Variants in PARD6G observed in about 807,000 individuals in gnomAD.
The protein encoded by PARD6G is partitioning defective 6 homolog gamma.
PARD6G carries 7 observed loss-of-function variants against 10.7 expected under a neutral mutation model. The ratio of observed to expected loss-of-function variants is 0.66; its 90% CI spans 0.37 to 1.23. The LOEUF (loss-of-function observed/expected upper bound fraction) is 1.23, where lower values mean the gene tolerates loss of function less well. Ranked by LOEUF, PARD6G falls within the 50% of genes most tolerant of loss-of-function variation. The probability of loss-of-function intolerance (pLI) is 0.02; values close to 1 mark genes in which losing one functional copy is unlikely to be tolerated. For synonymous variants in PARD6G, 287 were observed against 269.4 expected (o/e 1.07, Z -0.64); for missense variants, 548 against 571.8 (o/e 0.96, Z 0.42).
intron 1 of PARD6G, among the ~76,000 whole-genome samples, chr18:80,218,126 G>GC (rs1380516568): frequency 6.6e-6 from 1 of 151,896 alleles, no homozygotes; most frequent in Non-Finnish European, 1.5e-5. Flanking sequence ...TTCCACCCTG[G>GC]CCCCTCCAAA....
At chr18:80,186,572 T>C (rs906486764) in intron 2 of PARD6G, among the ~76,000 whole-genome samples, 2 of 151,552 alleles carry the variant, frequency 1.3e-5, no homozygotes, top group African/African-American at 4.8e-5. Flanking sequence ...ACACAGCCCT[T>C]GCACACCCCC....
intron 1 of PARD6G, among the ~76,000 whole-genome samples, chr18:80,218,091 G>GT (rs1382279929): frequency 2.0e-5 from 3 of 152,038 alleles, no homozygotes. Context: ...TGAGATTTGG[G>GT]TGGGGACACA....
chr18:80,167,261 G>A (rs1034379432), intron 2 of PARD6G, among the ~76,000 whole-genome samples: 2 of 151,942 alleles, frequency 1.3e-5, no homozygotes, highest in African/African-American at 2.4e-5. Context: ...GCAGTGTTGC[G>A]TGTGGACGTG....
rs1217519591 is a variant in PARD6G at position 80,195,580 on chromosome 18, T to TACA, written c.295+7129_295+7130insTGT. ...ATATATATATATATATATACACACA[T>TACA]TTTTTTTTCTTTTTTTTTCTGACCA... is the stretch of plus-strand genomic sequence containing the variant. On this transcript the variant is annotated intron_variant, in intron 2 of 2. Coordinates refer to ENST00000353265, the MANE Select transcript of PARD6G (RefSeq NM_032510.4). Among the ~76,000 whole-genome samples, 14 of 134,338 alleles carry TACA rather than the reference T, an allele frequency of 1.0e-4. 1 individual carries two copies. Among genetic ancestry groups the TACA allele is most frequent in the African/African-American group, 4.0e-4 (14 of 35,246 alleles). 88.1% of individuals were successfully genotyped at this position (134,338 alleles called of 152,430 possible).
At chr18:80,177,021 G>A (rs1240371664) in intron 2 of PARD6G, among the ~76,000 whole-genome samples, 5 of 101,928 alleles carry the variant, frequency 4.9e-5, no homozygotes, top group Non-Finnish European at 4.2e-5. Context: ...GTGCGCGCGC[G>A]CGTGCACACA....
At position 80,188,839 on chromosome 18, in the gene PARD6G, C is replaced by G. The variant is rs1461210060; in HGVS notation, c.295+13871G>C. Among the ~76,000 whole-genome samples, 1 of 152,186 alleles carries G rather than the reference C, an allele frequency of 6.6e-6. No individual in the cohort carries two copies. Among genetic ancestry groups the G allele is most frequent in the East Asian group, 1.9e-4 (1 of 5,186 alleles). Reference sequence around the variant, plus strand: ...CCACGAGATGGGCTTGCGGGGAAGTCAGGCGGGTGCAATCCCTACCGTTTC... The same window carrying G: ...CCACGAGATGGGCTTGCGGGGAAGTGAGGCGGGTGCAATCCCTACCGTTTC... On this transcript the variant is annotated intron_variant, in intron 2 of 2. Coordinates refer to ENST00000353265, the MANE Select transcript of PARD6G (RefSeq NM_032510.4). This position sits in a 1 kb window ranked among gnomAD's most constrained non-coding sequence, Gnocchi z 5.4.
chr18:80,176,784 C>G (rs948709445), intron 2 of PARD6G, among the ~76,000 whole-genome samples: 2 of 152,150 alleles, frequency 1.3e-5, no homozygotes, highest in African/African-American at 4.8e-5. Context: ...CCTGGTGCCG[C>G]GGCGGCCACA....
rs1158849837 is a variant in PARD6G, at chr18:80,182,226, C to T, written c.295+20484G>A. Among the ~76,000 whole-genome samples the T allele has an allele frequency of 1.3e-5, 2 of 152,216 alleles. No homozygotes were observed. Among genetic ancestry groups the T allele is most frequent in the African/African-American group, 2.4e-5 (1 of 41,462 alleles). On this transcript the variant is annotated intron_variant, in intron 2 of 2. Coordinates refer to ENST00000353265, the MANE Select transcript of PARD6G (RefSeq NM_032510.4). The surrounding 1 kb of genome is among the most constrained non-coding windows in gnomAD (Gnocchi z 4.5). ...CTGTGACCAACTGGGCTGCCTTTGA[C>T]GAGCTGCTCTGAGGAACAGCAGCCA...
Position 80,188,458 on chromosome 18 carries a change from C to T in PARD6G, c.295+14252G>A, listed in dbSNP as rs1366199859. The stretch of plus-strand genomic sequence containing the variant: ...TCATGGTGCCTTCCACCTGCAATTC[C>T]CGTCCTGGGCAGCAGAAGTTGCCCT... On this transcript the variant is annotated intron_variant, in intron 2 of 2. Coordinates refer to ENST00000353265, the MANE Select transcript of PARD6G (RefSeq NM_032510.4). This position sits in a 1 kb window ranked among gnomAD's most constrained non-coding sequence, Gnocchi z 5.4. Among the ~76,000 whole-genome samples the T allele has an allele frequency of 1.3e-5, 2 of 152,162 alleles. No individual in the cohort carries two copies. Among genetic ancestry groups the T allele is most frequent in the East Asian group, 3.8e-4 (2 of 5,198 alleles).
At chr18:80,212,443 G>A (rs775550344) in intron 1 of PARD6G, among the ~76,000 whole-genome samples, 11 of 152,192 alleles carry the variant, frequency 7.2e-5, no homozygotes, top group African/African-American at 1.9e-4. Flanking sequence ...TGAAAGTGCC[G>A]GCCATATTTG....
chr18:80,174,309 C>T (rs1328218622), intron 2 of PARD6G, among the ~76,000 whole-genome samples: 1 of 152,154 alleles, frequency 6.6e-6, no homozygotes, highest in Non-Finnish European at 1.5e-5. Context: ...TCTTCCCAGA[C>T]CTTGAGGCCA....
chr18:80,168,573 TTGTGTGTG>T lies in PARD6G; in HGVS notation c.296-7975_296-7968del, dbSNP rs3051500. 2.9e-4 allele frequency among the ~76,000 whole-genome samples: 42 copies of T among 144,426 alleles called. No homozygotes were observed. The East Asian group carries it at 6.8e-3, about 23-fold the overall frequency. The allele number at this position is 144,426 out of a possible 152,430, so 94.7% of individuals were successfully genotyped here. ...TATCCTGTTTTCAGTCAAATTATGT[TTGTGTGTG>T]TGTGTGTGTGTGTGTGTGTGTGTGT... On this transcript the variant is annotated intron_variant, in intron 2 of 2. Transcript: ENST00000353265.
chr18:80,234,481 A>G (rs943131661), intron 1 of PARD6G, among the ~76,000 whole-genome samples: 4 of 152,190 alleles, frequency 2.6e-5, no homozygotes, highest in African/African-American at 9.7e-5. Flanking sequence ...TCCAGGACCT[A>G]CAACTGCCTC....
chr18:80,225,888 C>T (rs1967283521), intron 1 of PARD6G, among the ~76,000 whole-genome samples: 1 of 152,136 alleles, frequency 6.6e-6, no homozygotes, highest in African/African-American at 2.4e-5. Context: ...CTAGTCATCT[C>T]TGGGCCGGCT....
chr18:80,235,894 G>A (rs1054154264), intron 1 of PARD6G, among the ~76,000 whole-genome samples: 51 of 152,244 alleles, frequency 3.3e-4, no homozygotes, highest in African/African-American at 1.1e-3. Flanking sequence ...AGGACCAGAT[G>A]GATTCACAGC....
intron 2 of PARD6G, among the ~76,000 whole-genome samples, chr18:80,172,548 G>C (rs1427662146): frequency 6.6e-6 from 1 of 152,062 alleles, no homozygotes; most frequent in Non-Finnish European, 1.5e-5. Flanking sequence ...TACCGTGCCT[G>C]GCTAATTTTT....
At position 80,160,119 on chromosome 18, in the gene PARD6G, G is replaced by C; in HGVS notation, c.783C>G (p.Arg261=). The change falls in exon 3 of 3, where the codon CGC becomes CGG. Residue 261 remains arginine, a synonymous_variant. Transcript: ENST00000353265. ...NQRNNVVRGG[R]ALGSSGPPSD... ...AGGGCGGTCCCGAGCTGCCCAACGC[G>C]CGGCCGCCGCGCACCACGTTGTTGC... is the stretch of plus-strand genomic sequence containing the variant. 6.2e-7 allele frequency: 1 copy of C among 1,611,516 alleles called. No individual in the cohort carries two copies. Among genetic ancestry groups the C allele is most frequent in the Non-Finnish European group, 8.5e-7 (1 of 1,179,168 alleles).
intron 1 of PARD6G, among the ~76,000 whole-genome samples, chr18:80,219,558 A>G (rs1967207952): frequency 6.6e-6 from 1 of 152,162 alleles, no homozygotes; most frequent in African/African-American, 2.4e-5. Flanking sequence ...CCAAACTTTT[A>G]TGCTCTGGTT....
intron 1 of PARD6G, among the ~76,000 whole-genome samples, chr18:80,223,941 C>T (rs72980366): frequency 0.25 from 37,896 of 152,178 alleles, 6,133 homozygotes; most frequent in Non-Finnish European, 0.37. Flanking sequence ...TGGTCCAACC[C>T]AGCTGGCAGG....
Sources: gnomAD v4.1 joint callset for allele counts (sites outside exome capture counted in the v4.1 genomes callset) on GRCh38, gnomAD v4.1.1 for gene constraint, Gnocchi (gnomAD v3.1) non-coding constraint, MANE v1.5 for transcripts, NCBI Gene and HGNC (gene_info 2026-07-23, HGNC 2026-07-21) for gene names.